BLTP3B: variants seen among roughly 807,000 people sequenced by gnomAD.
The protein encoded by BLTP3B is bridge-like lipid transfer protein family member 3B.
At chr12:100,117,485 G>A in the BLTP3B span, among the ~76,000 whole-genome samples, 10,419 of 151,928 alleles carry the variant, frequency 0.069, 383 homozygotes, top group South Asian at 0.089. Flanking sequence ...TTTATTTTGA[G>A]GCAGTCTCGT....
the BLTP3B span, among the ~76,000 whole-genome samples, chr12:100,081,158 T>TCTATG: frequency 6.6e-6 from 1 of 152,190 alleles, no homozygotes; most frequent in African/African-American, 2.4e-5. Context: ...GTAAACCTCT[T>TCTATG]TCTTTTGTAA....
chr12:100,048,663 G>A, the BLTP3B span, among the ~76,000 whole-genome samples: 42 of 145,378 alleles, frequency 2.9e-4, no homozygotes, highest in African/African-American at 1.0e-3. Flanking sequence ...TAATGGAAAA[G>A]TAAACAGAAA....
At chr12:100,087,962 G>A in the BLTP3B span, among the ~76,000 whole-genome samples, 2 of 152,106 alleles carry the variant, frequency 1.3e-5, no homozygotes, top group Non-Finnish European at 2.9e-5. Context: ...ATGGTAGTCA[G>A]AACAAAAGAT....
At chr12:100,076,897 A>T in the BLTP3B span, among the ~76,000 whole-genome samples, 1 of 152,068 alleles carries the variant, frequency 6.6e-6, no homozygotes, top group Non-Finnish European at 1.5e-5. Flanking sequence ...CAAACATACT[A>T]TCTTATGTTC....
the BLTP3B span, chr12:100,051,255 A>G: frequency 6.3e-7 from 1 of 1,597,428 alleles, no homozygotes; most frequent in Non-Finnish European, 8.5e-7. Flanking sequence ...AATAAATTAA[A>G]GTCAGTTTTA....
chr12:100,095,935 A>G, the BLTP3B span: 53 of 1,112,630 alleles, frequency 4.8e-5, 1 homozygote, highest in Admixed American at 1.1e-3. Flanking sequence ...TTGAATAGAA[A>G]TATGGATTCT....
the BLTP3B span, chr12:100,057,536 G>A: frequency 1.7e-5 from 26 of 1,564,668 alleles, no homozygotes; most frequent in African/African-American, 5.5e-5. Flanking sequence ...GTGTATGTAC[G>A]TAATATGAAT....
the BLTP3B span, among the ~76,000 whole-genome samples, chr12:100,106,809 G>A: frequency 6.6e-6 from 1 of 152,090 alleles, no homozygotes; most frequent in Admixed American, 6.5e-5. Flanking sequence ...GGTTTCCAAA[G>A]GATAGAACAA....
chr12:100,130,998 A>AGAGG, the BLTP3B span, among the ~76,000 whole-genome samples: 5 of 75,630 alleles, frequency 6.6e-5, no homozygotes, highest in Admixed American at 5.7e-4. Flanking sequence ...AGAGAGAGAG[A>AGAGG]GAGAGAGAGA....
At chr12:100,094,694 C>A in the BLTP3B span, among the ~76,000 whole-genome samples, 2 of 152,160 alleles carry the variant, frequency 1.3e-5, no homozygotes, top group African/African-American at 4.8e-5. Context: ...CCATCTCTAA[C>A]AAAATTACAA....
the BLTP3B span, among the ~76,000 whole-genome samples, chr12:100,074,363 C>T: frequency 2.0e-5 from 3 of 152,124 alleles, no homozygotes; most frequent in African/African-American, 7.2e-5. Flanking sequence ...CGGTGAGAGG[C>T]TGAGGCGGGC....
the BLTP3B span, among the ~76,000 whole-genome samples, chr12:100,129,089 A>C: frequency 6.6e-6 from 1 of 152,158 alleles, no homozygotes; most frequent in East Asian, 1.9e-4. Context: ...TCTACAAAGC[A>C]AGCAGTCTAC....
the BLTP3B span, among the ~76,000 whole-genome samples, chr12:100,065,249 T>C: frequency 6.6e-6 from 1 of 151,900 alleles, no homozygotes; most frequent in Non-Finnish European, 1.5e-5. Flanking sequence ...ATGCGTTAAC[T>C]ATACAAATTG....
At chr12:100,079,975 C>G in the BLTP3B span, among the ~76,000 whole-genome samples, 1 of 152,194 alleles carries the variant, frequency 6.6e-6, no homozygotes, top group Non-Finnish European at 1.5e-5. Flanking sequence ...TGCTGGTGCA[C>G]AGAAGTCAAG....
At chr12:100,141,322 AAAT>A in the BLTP3B span, among the ~76,000 whole-genome samples, 4 of 152,044 alleles carry the variant, frequency 2.6e-5, no homozygotes, top group Non-Finnish European at 5.9e-5. Context: ...TCTACTAAAA[AAAT>A]ACTACATATA....
At chr12:100,057,191 C>T in the BLTP3B span, among the ~76,000 whole-genome samples, 4 of 152,226 alleles carry the variant, frequency 2.6e-5, 1 homozygote, top group Middle Eastern at 0.01. Flanking sequence ...GCCTTAATGT[C>T]GCCTGCTTTA....
At chr12:100,056,515 A>G in the BLTP3B span, among the ~76,000 whole-genome samples, 1 of 151,988 alleles carries the variant, frequency 6.6e-6, no homozygotes, top group Non-Finnish European at 1.5e-5. Flanking sequence ...CTTTTCATCT[A>G]AATCAGTGGG....
At chr12:100,089,943 T>C in the BLTP3B span, among the ~76,000 whole-genome samples, 2 of 152,142 alleles carry the variant, frequency 1.3e-5, no homozygotes, top group Non-Finnish European at 2.9e-5. Flanking sequence ...CGAGATCTGA[T>C]GGTTTATCAG....
At chr12:100,049,127 G>C in the BLTP3B span, among the ~76,000 whole-genome samples, 1 of 152,046 alleles carries the variant, frequency 6.6e-6, no homozygotes, top group African/African-American at 2.4e-5. Context: ...GGGAAAAGTA[G>C]TTGGTAAGAT....
Sources: allele counts gnomAD v4.1 joint callset (sites outside exome capture counted in the v4.1 genomes callset), GRCh38; gene constraint gnomAD v4.1.1; transcripts MANE v1.5; gene names NCBI Gene and HGNC (gene_info 2026-07-23, HGNC 2026-07-21).